Variants in RIPOR1 observed in about 807,000 individuals in gnomAD.
The protein encoded by RIPOR1 is RHO family interacting cell polarization regulator 1.
A neutral mutation model predicts 116.5 loss-of-function variants in RIPOR1; 58 were observed. The observed-to-expected ratio is 0.50, with a 90% CI of 0.40 to 0.62. The LOEUF (loss-of-function observed/expected upper bound fraction) is 0.62, where lower values mean the gene tolerates loss of function less well. RIPOR1 is among the 20% of genes least tolerant of loss of function. The pLI, the probability that RIPOR1 is intolerant of heterozygous loss-of-function variation, is 0.00. For missense variants in RIPOR1, 1,372 were observed against 1,586.2 expected, an observed-to-expected ratio of 0.86 and a Z score of 2.29; for synonymous variants, 605 against 650.0, an observed-to-expected ratio of 0.93 and a Z score of 1.05.
chr16:67,538,101 T>C (rs371340356), intron 1 of RIPOR1: 2 of 280,866 alleles, frequency 7.1e-6, no homozygotes, highest in East Asian at 1.2e-4. Flanking sequence ...CGCACATTCT[T>C]CGCGCGCGCC....
At position 67,529,619 on chromosome 16, in the gene RIPOR1, C is replaced by G; in HGVS notation, c.-24+705C>G. 1 of 720,364 alleles carries G rather than the reference C, an allele frequency of 1.4e-6. No homozygotes were observed. The highest frequency in any genetic ancestry group is 2.3e-6 in the Non-Finnish European group (1 of 442,508). 44.6% of individuals were successfully genotyped at this position (720,364 alleles called of 1,614,324 possible). On this transcript the variant is annotated intron_variant, in intron 1 of 21. Transcript: ENST00000042381. The surrounding 1 kb of genome is among the most constrained non-coding windows in gnomAD (Gnocchi z 4.1). ...TCGGATTCAGTCCAGATTCAGCACC[C>G]TTTGTCCTCCTCTCCAGGGTGAGCC...
At position 67,531,328 on chromosome 16, in the gene RIPOR1, C is replaced by G. The variant is rs560701112; in HGVS notation, c.-24+2414C>G. Among the ~76,000 whole-genome samples, 93 of 151,960 alleles carry G rather than the reference C, an allele frequency of 6.1e-4. No individual in the cohort carries two copies. In the East Asian group the frequency reaches 0.01, roughly 16 times the overall value. On this transcript the variant is annotated intron_variant, in intron 1 of 21. Transcript: ENST00000042381. This position sits in a 1 kb window ranked among gnomAD's most constrained non-coding sequence, Gnocchi z 4.2. ...GCCCAGCTTCCCCCACTGTTCCCCC[C>G]CTTCATCTCCCAGGTGCTACAGGAC...
chr16:67,542,456 C>G lies in RIPOR1; in HGVS notation c.1670C>G (p.Thr557Ser), dbSNP rs2051017108. ...ACAGGCTCTACCTATAGTGCCATTA[C>G]CACTACCCACAGTGCTCCAAGCCCC... ...TTTGSTYSAITTTHSAPSPLT... is the reference protein window; with the variant it reads ...TTTGSTYSAISTTHSAPSPLT... The change falls in exon 13 of 22, where the codon ACC becomes AGC. Residue 557 changes from threonine (T) to serine (S), a missense_variant. Around this residue, in one of 3 missense-constraint regions of RIPOR1, gnomAD observed 1,005 missense variants for 1,144.7 expected, o/e 0.88. Transcript: ENST00000042381. The surrounding 1 kb of genome is among the most constrained non-coding windows in gnomAD (Gnocchi z 4.6). 6.2e-7 allele frequency: 1 copy of G among 1,613,740 alleles called. No individual in the cohort carries two copies.
At chr16:67,523,524 A>T (rs1270456526) in intron 1 of RIPOR1, among the ~76,000 whole-genome samples, 10 of 104,036 alleles carry the variant, frequency 9.6e-5, no homozygotes, top group African/African-American at 6.7e-4. Flanking sequence ...GACTCCATAA[A>T]AAAAAAAAAA....
In RIPOR1 at chr16:67,540,891, G is replaced by T. The variant is rs1295054543; in HGVS notation, c.801+187G>T. Among the ~76,000 whole-genome samples, 1 of 152,038 alleles carries T rather than the reference G, an allele frequency of 6.6e-6. No homozygotes were observed. Among genetic ancestry groups the T allele is most frequent in the African/African-American group, 2.4e-5 (1 of 41,376 alleles). ...ATCTTTGTGACTCTTAGGACATCAT[G>T]GCTTCCTGACCCTGTGACCTCCTCA... On this transcript the variant is annotated intron_variant, in intron 10 of 21. Transcript: ENST00000042381. This position sits in a 1 kb window ranked among gnomAD's most constrained non-coding sequence, Gnocchi z 4.7.
Position 67,544,981 on chromosome 16 carries a change from T to G in RIPOR1, c.2895T>G (p.Pro965=), listed in dbSNP as rs2142615683. The part of the protein sequence containing the change: ...QEVVQFSASR[P]GFLTFWDQCT... ...TGGTGCAGTTCTCGGCCTCTCGGCC[T>G]GGCTTCCTGACCTTCTGGGACCAGT... Residue 965 remains proline, a synonymous_variant, in exon 17 of 22, where the codon CCT becomes CCG. Transcript: ENST00000042381. The surrounding 1 kb of genome is among the most constrained non-coding windows in gnomAD (Gnocchi z 5.1). The G allele has an allele frequency of 6.2e-7, 1 of 1,613,128 alleles. No homozygotes were observed. The highest frequency in any genetic ancestry group is 8.5e-7 in the Non-Finnish European group (1 of 1,180,002).
At position 67,541,220 on chromosome 16, in the gene RIPOR1, T is replaced by C. The variant is rs115512894; in HGVS notation, c.802-210T>C. ...AGCTGGGACTACAGGTGCACCACCA[T>C]GCCTGGCTAAAAATTTTTTTTTTTT... is the stretch of plus-strand genomic sequence containing the variant. On this transcript the variant is annotated intron_variant, in intron 10 of 21. Coordinates refer to ENST00000042381, the MANE Select transcript of RIPOR1 (RefSeq NM_024519.4). This position sits in a 1 kb window ranked among gnomAD's most constrained non-coding sequence, Gnocchi z 4.6. 15,394 of 561,776 alleles carry C rather than the reference T, an allele frequency of 0.027. 412 individuals carry two copies. The highest frequency in any genetic ancestry group is 0.052 in the South Asian group (2,124 of 41,164). 34.8% of individuals were successfully genotyped at this position (561,776 alleles called of 1,614,324 possible).
chr16:67,537,898 CG>C lies in RIPOR1; in HGVS notation c.-23-520del, dbSNP rs950913013. ...GGGGGCAGCAGGTCACGCTGGCAGG[CG>C]GGGGGCGGGCGACAAACCCGCACCG... On this transcript the variant is annotated intron_variant, in intron 1 of 21. Coordinates refer to ENST00000042381, the MANE Select transcript of RIPOR1 (RefSeq NM_024519.4). This position sits in a 1 kb window ranked among gnomAD's most constrained non-coding sequence, Gnocchi z 4.6. Among the ~76,000 whole-genome samples, 1 of 151,668 alleles carries C rather than the reference CG, an allele frequency of 6.6e-6. No individual in the cohort carries two copies. Among genetic ancestry groups the C allele is most frequent in the Admixed American group, 6.6e-5 (1 of 15,254 alleles).
chr16:67,533,888 A>C (rs550161111), intron 1 of RIPOR1, among the ~76,000 whole-genome samples: 1 of 148,710 alleles, frequency 6.7e-6, no homozygotes, highest in East Asian at 2.0e-4. Flanking sequence ...GCTCACTGCA[A>C]CCTCCACCTC....
At chr16:67,538,367 G>A in intron 1 of RIPOR1, 57 bp from the exon 2 acceptor site, 2 of 1,516,922 alleles carry the variant, frequency 1.3e-6, no homozygotes, top group Non-Finnish European at 1.8e-6. Context: ...ATCCCGCTGC[G>A]TGGGAGAGGG....
At chr16:67,522,491 C>T (rs773778980) in intron 1 of RIPOR1, among the ~76,000 whole-genome samples, 6 of 151,824 alleles carry the variant, frequency 4.0e-5, no homozygotes, top group Non-Finnish European at 7.4e-5. Context: ...CGTGAGCCAC[C>T]GCGCCTGGCC....
Position 67,538,409 on chromosome 16 carries a change from C to G in RIPOR1, c.-23-15C>G. The G allele has an allele frequency of 1.3e-6, 2 of 1,558,822 alleles. No homozygotes were observed. Among genetic ancestry groups the G allele is most frequent in the South Asian group, 1.2e-5 (1 of 85,116 alleles). The stretch of plus-strand genomic sequence containing the variant: ...GGATCCGACTGGTACTGGACACCCC[C>G]CCGATCACCCGCAGGGAGCCCCGCG... On this transcript the variant is annotated splice_polypyrimidine_tract_variant and intron_variant, in intron 1 of 21. Transcript: ENST00000042381.
Position 67,542,216 on chromosome 16 carries a change from C to G in RIPOR1, c.1430C>G (p.Pro477Arg), listed in dbSNP as rs12919890. Residue 477 changes from proline (P) to arginine (R), a missense_variant, in exon 13 of 22, where the codon CCT (proline) becomes CGT (arginine). Around this residue, in one of 3 missense-constraint regions of RIPOR1, gnomAD observed 1,005 missense variants for 1,144.7 expected, o/e 0.88. Coordinates refer to ENST00000042381, the MANE Select transcript of RIPOR1 (RefSeq NM_024519.4). The surrounding 1 kb of genome is among the most constrained non-coding windows in gnomAD (Gnocchi z 4.6). ...GGCCCAGAAAGCCTAGCCTGGGGAC[C>G]TAGCCCACCTACACACCCAGCTCCC... ...AVGPESLAWGPSPPTHPAPTH... is the reference protein window; with the variant it reads ...AVGPESLAWGRSPPTHPAPTH... The G allele has an allele frequency of 6.2e-7, 1 of 1,613,648 alleles. No homozygotes were observed. Among genetic ancestry groups the G allele is most frequent in the East Asian group, 2.2e-5 (1 of 44,866 alleles).
Position 67,538,988 on chromosome 16 carries a change from A to G in RIPOR1, c.258-2A>G. 1 of 1,613,894 alleles carries G rather than the reference A, an allele frequency of 6.2e-7. No homozygotes were observed. Among genetic ancestry groups the G allele is most frequent in the Non-Finnish European group, 8.5e-7 (1 of 1,179,932 alleles). On this transcript the variant is annotated splice_acceptor_variant, in intron 3 of 21. Transcript: ENST00000042381. LOFTEE classifies it high-confidence loss of function. ...CATTCTTGTGGTCGCCCCTTTCCTCAGGGCCTACTTGGAAGTGCACCAGCA... is the reference window on the plus strand; with the variant it reads ...CATTCTTGTGGTCGCCCCTTTCCTCGGGGCCTACTTGGAAGTGCACCAGCA...
chr16:67,524,945 G>A (rs1316606428), upstream of RIPOR1, among the ~76,000 whole-genome samples: 1 of 152,172 alleles, frequency 6.6e-6, no homozygotes, highest in African/African-American at 2.4e-5. Flanking sequence ...CCAGCCTAAA[G>A]CCCAGGCTCC....
chr16:67,522,327 C>G (rs1417241788), intron 1 of RIPOR1, among the ~76,000 whole-genome samples: 1 of 151,656 alleles, frequency 6.6e-6, no homozygotes, highest in Non-Finnish European at 1.5e-5. Context: ...CTCAGCCTCC[C>G]GAGTAGCTGG....
At position 67,545,139 on chromosome 16, in the gene RIPOR1, T is replaced by C. The variant is rs1015727448; in HGVS notation, c.3031+22T>C. The C allele has an allele frequency of 6.2e-7, 1 of 1,608,364 alleles. No homozygotes were observed. Among genetic ancestry groups the C allele is most frequent in the Non-Finnish European group, 8.5e-7 (1 of 1,179,174 alleles). The stretch of plus-strand genomic sequence containing the variant: ...GCTGGTGAGTGGGCTGCTTCCTCCT[T>C]CCACCCTTGCTCAGATTCCCAGTGA... On this transcript the variant is annotated intron_variant, in intron 17 of 21. Transcript: ENST00000042381. The surrounding 1 kb of genome is among the most constrained non-coding windows in gnomAD (Gnocchi z 4.8).
In RIPOR1 at chr16:67,537,513, C is replaced by G; in HGVS notation, c.-23-911C>G. ...GAGCCCGGAGCCCAGCCGGGCGGCT[C>G]GAAGTGGCCAGGGCCGGAAGGTCCG... is the stretch of plus-strand genomic sequence containing the variant. On this transcript the variant is annotated intron_variant, in intron 1 of 21. Transcript: ENST00000042381. This position sits in a 1 kb window ranked among gnomAD's most constrained non-coding sequence, Gnocchi z 4.6. 2 of 1,279,104 alleles carry G rather than the reference C, an allele frequency of 1.6e-6. No homozygotes were observed. The highest frequency in any genetic ancestry group is 9.9e-7 in the Non-Finnish European group (1 of 1,011,232). 79.2% of individuals were successfully genotyped at this position (1,279,104 alleles called of 1,614,324 possible).
rs1269371138 is a variant in RIPOR1 at position 67,542,591 on chromosome 16, C to T, written c.1805C>T (p.Thr602Ile). The T allele has an allele frequency of 1.2e-6, 2 of 1,613,870 alleles. No homozygotes were observed. Among genetic ancestry groups the T allele is most frequent in the South Asian group, 1.1e-5 (1 of 91,068 alleles). The change falls in exon 13 of 22, where the codon ACC (threonine) becomes ATC (isoleucine). Residue 602 changes from threonine to isoleucine, a missense_variant. Coordinates refer to ENST00000042381, the MANE Select transcript of RIPOR1 (RefSeq NM_024519.4). This position sits in a 1 kb window ranked among gnomAD's most constrained non-coding sequence, Gnocchi z 4.6. ...CCAGTCCAGACTACCACAAGCCCCA[C>T]CCACACTATGCCAAGCCCTACCCAT... ...IGPVQTTTSP[T>I]HTMPSPTHTT...
Sources: allele counts gnomAD v4.1 joint callset (sites outside exome capture counted in the v4.1 genomes callset), GRCh38; gene constraint gnomAD v4.1.1; regional missense constraint gnomAD v4.1.1; non-coding constraint Gnocchi (gnomAD v3.1); transcripts MANE v1.5; gene names NCBI Gene and HGNC (gene_info 2026-07-23, HGNC 2026-07-21).